Variants in ASTN1 observed in about 807,000 individuals in gnomAD.
ASTN1 encodes the protein astrotactin-1.
In ASTN1, 41 loss-of-function variants were observed where a neutral mutation model predicts 140.7. The ratio of observed to expected loss-of-function variants is 0.29; its 90% CI spans 0.23 to 0.38. The LOEUF (loss-of-function observed/expected upper bound fraction) is 0.38. Among genes scored for constraint, ASTN1 ranks in the 10% least tolerant of loss-of-function variants. The probability of loss-of-function intolerance (pLI) is 1.00; values close to 1 mark genes in which losing one functional copy is unlikely to be tolerated. For missense variants in ASTN1, 1,479 were observed against 1,678.8 expected (o/e 0.88, Z 2.08); for synonymous variants, 640 against 652.2 (o/e 0.98, Z 0.29).
intron 20 of ASTN1, among the ~76,000 whole-genome samples, chr1:176,879,074 T>C (rs1036924196): frequency 2.0e-5 from 3 of 152,300 alleles, no homozygotes; most frequent in Non-Finnish European, 2.9e-5. Context: ...AGTCCTGTTC[T>C]CTCCCAGGCT....
intron 14 of ASTN1, among the ~76,000 whole-genome samples, chr1:176,939,299 A>G (rs2103099983): frequency 6.6e-6 from 1 of 152,284 alleles, no homozygotes; most frequent in East Asian, 1.9e-4. Context: ...CCAGAACAAC[A>G]GAGGGAAGAT....
At chr1:177,014,385 A>G (rs1675441184) in intron 8 of ASTN1, among the ~76,000 whole-genome samples, 1 of 152,130 alleles carries the variant, frequency 6.6e-6, no homozygotes, top group Non-Finnish European at 1.5e-5. Context: ...GGTGAAAACA[A>G]ATTTCCACTC....
chr1:177,112,690 TA>T (rs1385323689), intron 1 of ASTN1, among the ~76,000 whole-genome samples: 1 of 152,226 alleles, frequency 6.6e-6, no homozygotes, highest in African/African-American at 2.4e-5. Flanking sequence ...GGAAGGAAGG[TA>T]GGGGAGAAAA....
chr1:176,955,808 T>C (rs1457562220), intron 11 of ASTN1, among the ~76,000 whole-genome samples: 5 of 152,210 alleles, frequency 3.3e-5, no homozygotes, highest in African/African-American at 1.2e-4. Flanking sequence ...CCTAACCCTG[T>C]GTTTGTCTGC....
intron 21 of ASTN1, among the ~76,000 whole-genome samples, chr1:176,869,896 G>A (rs1469999253): frequency 6.6e-6 from 1 of 152,198 alleles, no homozygotes; most frequent in Non-Finnish European, 1.5e-5. Context: ...CCTCAAGACT[G>A]TGGGAAAGCA....
At chr1:176,962,453 T>G (rs1226366109) in intron 9 of ASTN1, among the ~76,000 whole-genome samples, 1 of 152,206 alleles carries the variant, frequency 6.6e-6, no homozygotes, top group Non-Finnish European at 1.5e-5. Flanking sequence ...CCTGCTGTGT[T>G]CAAAATTGTA....
At chr1:176,983,914 C>A (rs1251810360) in intron 8 of ASTN1, among the ~76,000 whole-genome samples, 2 of 152,210 alleles carry the variant, frequency 1.3e-5, no homozygotes, top group Non-Finnish European at 2.9e-5. Flanking sequence ...GCATCTCCCA[C>A]CAGCCTCAAT....
At chr1:177,044,815 C>T (rs924328186) in intron 2 of ASTN1, among the ~76,000 whole-genome samples, 2 of 152,220 alleles carry the variant, frequency 1.3e-5, no homozygotes, top group Non-Finnish European at 2.9e-5. Flanking sequence ...AGCCAATCTG[C>T]AACATCATTA....
intron 1 of ASTN1, among the ~76,000 whole-genome samples, chr1:177,121,736 T>C (rs969215534): frequency 2.6e-5 from 4 of 152,058 alleles, no homozygotes; most frequent in African/African-American, 7.2e-5. Flanking sequence ...TGAGGGCCCC[T>C]AAAGTTAGTT....
intron 8 of ASTN1, among the ~76,000 whole-genome samples, chr1:177,001,995 T>G (rs986723927): frequency 1.3e-5 from 2 of 152,140 alleles, no homozygotes; most frequent in African/African-American, 4.8e-5. Flanking sequence ...GACAGCCCCA[T>G]GAGGGAATTT....
At chr1:177,058,805 AC>A (rs1001768641) in intron 2 of ASTN1, among the ~76,000 whole-genome samples, 2 of 145,730 alleles carry the variant, frequency 1.4e-5, no homozygotes, top group African/African-American at 5.1e-5. Flanking sequence ...CAGTATACCC[AC>A]CCCCACAAAC....
chr1:177,099,824 A>G (rs1680215114), intron 1 of ASTN1, among the ~76,000 whole-genome samples: 1 of 152,224 alleles, frequency 6.6e-6, no homozygotes, highest in Admixed American at 6.5e-5. Flanking sequence ...GACATCAGAG[A>G]AGTGTGAGCA....
rs1674258949 is a variant in ASTN1, at chr1:176,993,008, G to A, written c.1523+21783C>T. The stretch of plus-strand genomic sequence containing the variant: ...CGTTACGAGAAGAGGAATAGACAAC[G>A]CCAGAGCTCCCTCTCTGCCATGTAG... On this transcript the variant is annotated intron_variant, in intron 8 of 22. Coordinates refer to ENST00000361833, the MANE Select transcript of ASTN1 (RefSeq NM_004319.3). 2.0e-5 allele frequency among the ~76,000 whole-genome samples: 3 copies of A among 152,138 alleles called. 1 individual carries two copies. In the South Asian group the frequency reaches 6.2e-4, roughly 32 times the overall value.
intron 1 of ASTN1, among the ~76,000 whole-genome samples, chr1:177,159,013 C>T (rs1571865502): frequency 6.8e-6 from 1 of 146,884 alleles, no homozygotes; most frequent in East Asian, 2.0e-4. Flanking sequence ...GTTGCAGTGA[C>T]CCAAGATTGT....
intron 1 of ASTN1, among the ~76,000 whole-genome samples, chr1:177,135,519 C>T (rs1682151712): frequency 6.6e-6 from 1 of 152,158 alleles, no homozygotes; most frequent in African/African-American, 2.4e-5. Context: ...ACAGGGACTA[C>T]AGCCCCCTCA....
At chr1:176,988,316 GGAAAAAAA>G (rs991211289) in intron 8 of ASTN1, among the ~76,000 whole-genome samples, 4 of 141,188 alleles carry the variant, frequency 2.8e-5, no homozygotes, top group African/African-American at 1.1e-4. Flanking sequence ...GGATATATTG[GGAAAAAAA>G]AAAAAAAAAC....
chr1:176,965,661 C>T (rs1229867109), intron 8 of ASTN1, among the ~76,000 whole-genome samples: 1 of 152,158 alleles, frequency 6.6e-6, no homozygotes, highest in Non-Finnish European at 1.5e-5. Context: ...AACTGTCTGA[C>T]CATGGACCGA....
chr1:177,164,252 T>C lies in ASTN1; in HGVS notation c.283+142A>G, dbSNP rs191155804. The C allele has an allele frequency of 2.1e-3, 1,883 of 913,808 alleles. 23 individuals are homozygous for C. Among genetic ancestry groups the C allele is most frequent in the East Asian group, 0.011 (412 of 36,734 alleles). The allele number at this position is 913,808 out of a possible 1,614,324, so 56.6% of individuals were successfully genotyped here. ...CTAGTATGCAAGTGGGTGTGGAGAA[T>C]GGTCCGGGAGTGGGGCGGATCCGGG... On this transcript the variant is annotated intron_variant, in intron 1 of 22. Coordinates refer to ENST00000361833, the MANE Select transcript of ASTN1 (RefSeq NM_004319.3).
At chr1:177,022,946 T>C (rs947565510) in intron 7 of ASTN1, among the ~76,000 whole-genome samples, 2 of 152,168 alleles carry the variant, frequency 1.3e-5, no homozygotes, top group African/African-American at 4.8e-5. Flanking sequence ...TTAAAAATCA[T>C]GCATAGTAAA....
Sources: gnomAD v4.1 joint callset for allele counts (sites outside exome capture counted in the v4.1 genomes callset) on GRCh38, gnomAD v4.1.1 for gene constraint, MANE v1.5 for transcripts, NCBI Gene and HGNC (gene_info 2026-07-23, HGNC 2026-07-21) for gene names.